WDR70: variants seen among roughly 807,000 people sequenced by gnomAD.
WDR70 encodes the protein WD repeat-containing protein 70.
A neutral mutation model predicts 88.6 loss-of-function variants in WDR70; 53 were observed. That is an observed-to-expected ratio of 0.60 (90% CI 0.48 to 0.75). WDR70 has a LOEUF of 0.75. Among genes scored for constraint, WDR70 ranks in the 30% least tolerant of loss-of-function variants. The pLI, the probability that WDR70 is intolerant of heterozygous loss-of-function variation, is 0.00. For missense variants in WDR70, 610 were observed against 823.2 expected, an observed-to-expected ratio of 0.74 and a Z score of 3.17; for synonymous variants, 280 against 270.0, an observed-to-expected ratio of 1.04 and a Z score of -0.36.
At chr5:37,530,445 G>A (rs928936140) in intron 9 of WDR70, among the ~76,000 whole-genome samples, 11 of 151,332 alleles carry the variant, frequency 7.3e-5, no homozygotes, top group African/African-American at 9.7e-5. Context: ...ATTTTTTTTC[G>A]TTGGCAATTT....
At chr5:37,424,953 G>C (rs1750075333) in intron 5 of WDR70, among the ~76,000 whole-genome samples, 1 of 152,130 alleles carries the variant, frequency 6.6e-6, no homozygotes. Context: ...GGGAGAAATA[G>C]ATAATAAAGG....
At chr5:37,669,057 G>C (rs1006596857) in intron 10 of WDR70, among the ~76,000 whole-genome samples, 1 of 152,140 alleles carries the variant, frequency 6.6e-6, no homozygotes, top group African/African-American at 2.4e-5. Flanking sequence ...CTGGTTTATA[G>C]TTGGTGCAAT....
chr5:37,730,720 T>A lies in WDR70; in HGVS notation c.1877+3675T>A, dbSNP rs988790237. On this transcript the variant is annotated intron_variant, in intron 17 of 17. Coordinates refer to ENST00000265107, the MANE Select transcript of WDR70 (RefSeq NM_018034.4). ...ATTCAAGTTTTTTTCTTGATGTCTT[T>A]ATGTATTCCTAAAGTTTTCTCTTTA... Among the ~76,000 whole-genome samples, 3 of 152,286 alleles carry A rather than the reference T, an allele frequency of 2.0e-5. No homozygotes were observed. In the South Asian group the frequency reaches 6.2e-4, roughly 32 times the overall value.
intron 17 of WDR70, among the ~76,000 whole-genome samples, chr5:37,736,643 T>TG (rs1326249599): frequency 2.9e-5 from 4 of 139,828 alleles, no homozygotes; most frequent in South Asian, 2.4e-4. Context: ...TTTTTTGCGG[T>TG]GGGGGGGTTG....
intron 3 of WDR70, 34 bp from the exon 4 acceptor site, chr5:37,391,966 G>A (rs1748833688): frequency 1.3e-6 from 2 of 1,579,996 alleles, no homozygotes; most frequent in African/African-American, 2.8e-5. Flanking sequence ...TAACCGTTGG[G>A]ATTTTTTTGT....
At chr5:37,630,355 C>T (rs1009270781) in intron 10 of WDR70, among the ~76,000 whole-genome samples, 1 of 152,186 alleles carries the variant, frequency 6.6e-6, no homozygotes, top group Admixed American at 6.5e-5. Context: ...AATGTTTCCA[C>T]CAGGGGTGGC....
intron 3 of WDR70, among the ~76,000 whole-genome samples, chr5:37,385,378 G>T (rs1309314115): frequency 1.3e-5 from 2 of 151,858 alleles, no homozygotes; most frequent in African/African-American, 4.8e-5. Context: ...AAATTAGCTG[G>T]GCATGGTGGT....
At chr5:37,507,998 T>A (rs1054856693) in intron 8 of WDR70, among the ~76,000 whole-genome samples, 1 of 152,168 alleles carries the variant, frequency 6.6e-6, no homozygotes, top group Non-Finnish European at 1.5e-5. Flanking sequence ...AACTAGGGCT[T>A]CCAGATTGAC....
intron 5 of WDR70, among the ~76,000 whole-genome samples, chr5:37,430,340 T>C (rs1750263881): frequency 6.6e-6 from 1 of 152,178 alleles, no homozygotes; most frequent in Non-Finnish European, 1.5e-5. Context: ...ACTGTTGTAG[T>C]TAAAGATTTG....
At chr5:37,580,387 T>G (rs1743184736) in intron 9 of WDR70, among the ~76,000 whole-genome samples, 1 of 152,330 alleles carries the variant, frequency 6.6e-6, no homozygotes, top group South Asian at 2.1e-4. Context: ...TAAAGAGGGC[T>G]TCAAATCAGC....
chr5:37,550,272 T>C (rs1481671750), intron 9 of WDR70, among the ~76,000 whole-genome samples: 1 of 152,224 alleles, frequency 6.6e-6, no homozygotes. Flanking sequence ...TCCACGTATT[T>C]GTATAGTTTC....
chr5:37,727,781 G>A (rs1432707388), intron 17 of WDR70, among the ~76,000 whole-genome samples: 1 of 151,982 alleles, frequency 6.6e-6, no homozygotes, highest in Non-Finnish European at 1.5e-5. Flanking sequence ...TCACTCTGTT[G>A]CCCAGGCTGG....
intron 8 of WDR70, among the ~76,000 whole-genome samples, chr5:37,499,294 A>G (rs1298062745): frequency 6.6e-6 from 1 of 151,660 alleles, no homozygotes; most frequent in Non-Finnish European, 1.5e-5. Context: ...TTGTATTTTT[A>G]GTAGAGATGG....
chr5:37,426,858 A>AG (rs1443653449), intron 5 of WDR70, among the ~76,000 whole-genome samples: 1 of 149,242 alleles, frequency 6.7e-6, no homozygotes, highest in Middle Eastern at 3.2e-3. Flanking sequence ...GGCTCACTGT[A>AG]GCCTTGACCT....
intron 15 of WDR70, chr5:37,724,180 C>T (rs1747903938): frequency 6.6e-6 from 1 of 151,988 alleles, no homozygotes; most frequent in African/African-American, 2.4e-5. Context: ...TTAATACTTC[C>T]CCTAATAACT....
At chr5:37,497,966 C>G (rs1019839758) in intron 8 of WDR70, among the ~76,000 whole-genome samples, 1 of 152,028 alleles carries the variant, frequency 6.6e-6, no homozygotes, top group African/African-American at 2.4e-5. Context: ...GGATTATAAG[C>G]GTGCTCCACT....
At chr5:37,641,682 G>T (rs1484559590) in intron 10 of WDR70, among the ~76,000 whole-genome samples, 1 of 152,062 alleles carries the variant, frequency 6.6e-6, no homozygotes, top group African/African-American at 2.4e-5. Flanking sequence ...CTCCCAAAGT[G>T]CTGGGATTAC....
At chr5:37,622,060 C>T (rs986336507) in intron 10 of WDR70, among the ~76,000 whole-genome samples, 8 of 151,996 alleles carry the variant, frequency 5.3e-5, no homozygotes, top group African/African-American at 7.2e-5. Context: ...ATTATTTCTG[C>T]GGGCTCTGTT....
intron 10 of WDR70, among the ~76,000 whole-genome samples, chr5:37,640,839 A>G (rs182603693): frequency 1.1e-3 from 175 of 152,324 alleles, no homozygotes; most frequent in African/African-American, 4.1e-3. Context: ...CAGTTAAAAA[A>G]ATACGGAAGT....
Sources: gnomAD v4.1 joint callset for allele counts (sites outside exome capture counted in the v4.1 genomes callset) on GRCh38, gnomAD v4.1.1 for gene constraint, MANE v1.5 for transcripts, NCBI Gene and HGNC (gene_info 2026-07-23, HGNC 2026-07-21) for gene names.